ACAD11: variants seen among roughly 807,000 people sequenced by gnomAD.
ACAD11 encodes the protein acyl-Coenzyme A dehydrogenase family, member 11.
Under a neutral mutation model 102.2 loss-of-function variants are expected in ACAD11, and 83 were observed. The ratio of observed to expected loss-of-function variants is 0.81; its 90% CI spans 0.68 to 0.97. The LOEUF is 0.97. Among genes scored for constraint, ACAD11 ranks in the 50% least tolerant of loss-of-function variants. The pLI is 0.00. For synonymous variants in ACAD11, 324 were observed against 319.8 expected, an observed-to-expected ratio of 1.01 and a Z score of -0.14; for missense variants, 901 against 951.7, an observed-to-expected ratio of 0.95 and a Z score of 0.70.
At chr3:132,580,707 G>A (rs1937585362) in intron 13 of ACAD11, among the ~76,000 whole-genome samples, 1 of 152,018 alleles carries the variant, frequency 6.6e-6, no homozygotes, top group African/African-American at 2.4e-5. Context: ...TAAAATATTT[G>A]GGAAAGAAAT....
At chr3:132,612,745 T>C (rs940968250) in intron 11 of ACAD11, among the ~76,000 whole-genome samples, 1 of 151,866 alleles carries the variant, frequency 6.6e-6, no homozygotes, top group African/African-American at 2.4e-5. Context: ...GGAGAGGATG[T>C]GGAGAAATAG....
At chr3:132,560,317 T>C (rs1937017020) in intron 18 of ACAD11, among the ~76,000 whole-genome samples, 1 of 152,212 alleles carries the variant, frequency 6.6e-6, no homozygotes, top group Admixed American at 6.5e-5. Context: ...ATTATGTCTT[T>C]ATTTCATATA....
intron 13 of ACAD11, among the ~76,000 whole-genome samples, chr3:132,584,156 G>C (rs1055209521): frequency 1.3e-5 from 2 of 152,070 alleles, no homozygotes; most frequent in African/African-American, 4.8e-5. Flanking sequence ...GTTGACAGTG[G>C]GGTGTTAAAG....
intron 11 of ACAD11, among the ~76,000 whole-genome samples, chr3:132,615,981 A>G (rs1939391466): frequency 6.6e-6 from 1 of 152,212 alleles, no homozygotes; most frequent in South Asian, 2.1e-4. Context: ...TATTTGGGAA[A>G]TGATCTGGGT....
chr3:132,588,622 G>A (rs1427324780), intron 13 of ACAD11, among the ~76,000 whole-genome samples: 1 of 151,978 alleles, frequency 6.6e-6, no homozygotes, highest in Non-Finnish European at 1.5e-5. Context: ...GAAATGCAAC[G>A]GCTTTAAAAC....
intron 13 of ACAD11, among the ~76,000 whole-genome samples, chr3:132,591,873 T>C (rs1285110864): frequency 6.6e-6 from 1 of 152,000 alleles, no homozygotes. Context: ...GCCTAGGCAA[T>C]AGAGTGAGAT....
In ACAD11 at chr3:132,631,457, TCCA is replaced by T; in HGVS notation, c.722_724del (p.Leu241_Asp242delinsHis). Reference sequence around the variant, plus strand: ...ATGACCAATGGTTGACAGCTCCCAATCCAGCACTGCTATAACTCGACACTGTAA... The same window carrying T: ...ATGACCAATGGTTGACAGCTCCCAATGCACTGCTATAACTCGACACTGTAA... On this transcript the variant is annotated inframe_deletion, in exon 6 of 20. Transcript: ENST00000264990. The T allele has an allele frequency of 6.5e-7, 1 of 1,528,300 alleles. No homozygotes were observed. Among genetic ancestry groups the T allele is most frequent in the East Asian group, 2.4e-5 (1 of 41,248 alleles). The allele number at this position is 1,528,300 out of a possible 1,614,324, so 94.7% of individuals were successfully genotyped here. A position where few individuals can be genotyped will look rare whatever the true frequency, so the allele number is the denominator to read the frequency against.
chr3:132,635,313 G>A (rs1190694074), intron 5 of ACAD11, among the ~76,000 whole-genome samples: 1 of 151,962 alleles, frequency 6.6e-6, no homozygotes, highest in East Asian at 1.9e-4. Flanking sequence ...TATACTATGG[G>A]GGGTGGGCAG....
At position 132,568,691 on chromosome 3, in the gene ACAD11, A is replaced by C. The variant is rs189015339; in HGVS notation, c.2001+7081T>G. ...GACAGAAGAGACAACCCATATATAA[A>C]CCCACACAAATAATGTCTGACTGAT... On this transcript the variant is annotated intron_variant, in intron 17 of 19. Coordinates refer to ENST00000264990, the MANE Select transcript of ACAD11 (RefSeq NM_032169.5). 2.0e-4 allele frequency among the ~76,000 whole-genome samples: 30 copies of C among 151,874 alleles called. No homozygotes were observed. In the East Asian group the frequency reaches 4.8e-3, roughly 24 times the overall value.
chr3:132,569,279 G>C (rs1370617053), intron 17 of ACAD11, among the ~76,000 whole-genome samples: 1 of 152,096 alleles, frequency 6.6e-6, no homozygotes, highest in Non-Finnish European at 1.5e-5. Flanking sequence ...AAGCCACAAT[G>C]AGATATCACT....
intron 3 of ACAD11, 139 bp from the exon 4 acceptor site, chr3:132,642,272 A>G: frequency 2.5e-6 from 2 of 798,514 alleles, no homozygotes; most frequent in East Asian, 5.5e-5. Flanking sequence ...ATATGCCAAG[A>G]TGAATATAAA....
At position 132,620,454 on chromosome 3, in the gene ACAD11, A is replaced by G. The variant is rs192619731; in HGVS notation, c.1198-909T>C. ...GCCTTAAATAACTTTCACAGATAAA[A>G]TTCCAGAACATGAGTTCAAAATAAA... On this transcript the variant is annotated intron_variant, in intron 9 of 19. Transcript: ENST00000264990. The G allele has an allele frequency of 7.4e-4, 112 of 152,344 alleles. 1 individual carries two copies. Among genetic ancestry groups the G allele is most frequent in the African/African-American group, 2.6e-3 (107 of 41,588 alleles). 9.4% of individuals were successfully genotyped at this position (152,344 alleles called of 1,614,324 possible).
Position 132,576,338 on chromosome 3 carries a change from G to A in ACAD11, c.1847-412C>T, listed in dbSNP as rs1218467114. On this transcript the variant is annotated intron_variant, in intron 16 of 19. Coordinates refer to ENST00000264990, the MANE Select transcript of ACAD11 (RefSeq NM_032169.5). ...ATCATTATAACCTCAGGGCCTGGCA[G>A]GTATCAGGGGCCTGGTGAATGGATG... 2.0e-5 allele frequency among the ~76,000 whole-genome samples: 3 copies of A among 152,270 alleles called. No homozygotes were observed. In the East Asian group the frequency reaches 5.8e-4, roughly 29 times the overall value.
At chr3:132,609,069 A>G (rs1938992395) in intron 11 of ACAD11, among the ~76,000 whole-genome samples, 1 of 152,238 alleles carries the variant, frequency 6.6e-6, no homozygotes, top group African/African-American at 2.4e-5. Context: ...TTAAGGCAGA[A>G]ATAAATAAGT....
Position 132,577,040 on chromosome 3 carries a change from G to A in ACAD11, c.1775-25C>T, listed in dbSNP as rs1264425600. On this transcript the variant is annotated intron_variant, in intron 15 of 19. Coordinates refer to ENST00000264990, the MANE Select transcript of ACAD11 (RefSeq NM_032169.5). ...TCTATAAAATAGAAAATAAAATTTA[G>A]AGCAAAAGGAGTTGACTAAAAAAGA... 4 of 1,411,250 alleles carry A rather than the reference G, an allele frequency of 2.8e-6. No individual in the cohort carries two copies. The Admixed American group carries it at 7.1e-5, about 25-fold the overall frequency. 87.4% of individuals were successfully genotyped at this position (1,411,250 alleles called of 1,614,324 possible).
At chr3:132,604,616 G>GT (rs1938759088) in intron 12 of ACAD11, among the ~76,000 whole-genome samples, 1 of 152,058 alleles carries the variant, frequency 6.6e-6, no homozygotes, top group Non-Finnish European at 1.5e-5. Context: ...TATTAAATCT[G>GT]TTTTTATTGA....
At chr3:132,571,656 C>T (rs1159818109) in intron 17 of ACAD11, among the ~76,000 whole-genome samples, 1 of 151,992 alleles carries the variant, frequency 6.6e-6, no homozygotes, top group African/African-American at 2.4e-5. Context: ...AGTCTTTGAT[C>T]CTCAACAAAA....
intron 13 of ACAD11, among the ~76,000 whole-genome samples, chr3:132,580,230 G>A (rs2107795576): frequency 6.6e-6 from 1 of 152,100 alleles, no homozygotes; most frequent in Admixed American, 6.6e-5. Context: ...TATAAAAAGA[G>A]GTTTGAGGAG....
intron 9 of ACAD11, among the ~76,000 whole-genome samples, chr3:132,621,593 C>T (rs1312866930): frequency 1.3e-5 from 2 of 152,112 alleles, no homozygotes; most frequent in Admixed American, 6.5e-5. Context: ...AGTTTACTCG[C>T]ACATTCACAC....
Sources: gnomAD v4.1 joint callset for allele counts (sites outside exome capture counted in the v4.1 genomes callset) on GRCh38, gnomAD v4.1.1 for gene constraint, MANE v1.5 for transcripts, NCBI Gene and HGNC (gene_info 2026-07-23, HGNC 2026-07-21) for gene names.